The following GGACT variants were observed in gnomAD, a reference collection of about 807,000 sequenced individuals.
GGACT encodes the protein gamma-glutamylaminecyclotransferase.
For missense variants in GGACT, 241 were observed against 233.2 expected, an observed-to-expected ratio of 1.03 and a Z score of -0.22; for synonymous variants, 118 against 115.3, an observed-to-expected ratio of 1.02 and a Z score of -0.15.
Position 100,531,201 on chromosome 13 carries a change from A to AATT in GGACT, c.*926_*928dup, listed in dbSNP as rs1243676548. 1 of 152,270 alleles carries AATT rather than the reference A, an allele frequency of 6.6e-6. No homozygotes were observed. The highest frequency in any genetic ancestry group is 1.5e-5 in the Non-Finnish European group (1 of 68,050). The allele number at this position is 152,270 out of a possible 1,614,324, so 9.4% of individuals were successfully genotyped here. On this transcript the variant is annotated 3_prime_UTR_variant, in exon 3 of 3. Coordinates refer to ENST00000683975, the MANE Select transcript of GGACT (RefSeq NM_001195087.2). The stretch of plus-strand genomic sequence containing the variant: ...TGCACCGAGTTGAATCGATGCTGAC[A>AATT]ATTATCAGATGGAGGTGGGTAGTAA...
chr13:100,554,024 A>G (rs887290796), intron 2 of GGACT, among the ~76,000 whole-genome samples: 1 of 152,214 alleles, frequency 6.6e-6, no homozygotes, highest in Non-Finnish European at 1.5e-5. Context: ...GGCCAGAGCT[A>G]CACAAAGGAA....
intron 2 of GGACT, among the ~76,000 whole-genome samples, chr13:100,562,808 AG>A (rs1213290340): frequency 6.6e-6 from 1 of 151,076 alleles, no homozygotes; most frequent in Non-Finnish European, 1.5e-5. Flanking sequence ...AAAAAAAAAA[AG>A]AAAAAAAAGA....
At chr13:100,537,629 A>C (rs1020324760) in intron 2 of GGACT, 1 of 152,276 alleles carries the variant, frequency 6.6e-6, no homozygotes, top group African/African-American at 2.4e-5. Flanking sequence ...CAGAAGACAC[A>C]CTTGTCAAAG....
intron 2 of GGACT, chr13:100,541,637 T>C (rs1044630850): frequency 6.6e-6 from 1 of 152,198 alleles, no homozygotes; most frequent in Non-Finnish European, 1.5e-5. Context: ...TATCGAGTAG[T>C]GGTTGTGGCC....
At chr13:100,532,680 C>CA in intron 2 of GGACT, 79 bp from the exon 3 acceptor site, 1 of 1,177,690 alleles carries the variant, frequency 8.5e-7, no homozygotes, top group Non-Finnish European at 1.2e-6. Flanking sequence ...TCCCGGCCCA[C>CA]AGAGCCTCCA....
intron 2 of GGACT, among the ~76,000 whole-genome samples, chr13:100,546,747 G>T (rs1474399497): frequency 6.6e-6 from 1 of 152,222 alleles, no homozygotes; most frequent in Non-Finnish European, 1.5e-5. Flanking sequence ...TCCATGCCAA[G>T]TTGCGAGGCT....
intron 2 of GGACT, among the ~76,000 whole-genome samples, chr13:100,581,264 A>C (rs1391316376): frequency 6.6e-6 from 1 of 152,240 alleles, no homozygotes; most frequent in Admixed American, 6.5e-5. Flanking sequence ...AACAGAGGGG[A>C]CCAGGGTTCC....
intron 2 of GGACT, among the ~76,000 whole-genome samples, chr13:100,576,724 G>A (rs1240089193): frequency 1.3e-5 from 2 of 152,188 alleles, no homozygotes; most frequent in Non-Finnish European, 2.9e-5. Context: ...ATACGAAGAT[G>A]AACAAATCAA....
intron 2 of GGACT, among the ~76,000 whole-genome samples, chr13:100,551,085 T>C (rs1190836018): frequency 4.0e-5 from 6 of 151,752 alleles, no homozygotes; most frequent in Non-Finnish European, 7.4e-5. Context: ...GAGATTGAGA[T>C]CATCCTGGCT....
Position 100,535,549 on chromosome 13 carries a change from G to A in GGACT, c.-10-2948C>T, listed in dbSNP as rs1026353945. On this transcript the variant is annotated intron_variant, in intron 2 of 2. Coordinates refer to ENST00000683975, the MANE Select transcript of GGACT (RefSeq NM_001195087.2). ...GGTGGGTACCAACACACGTGGTCCT[G>A]TGTGATCTGCTGACATGTAGCGTGT... Among the ~76,000 whole-genome samples, 4 of 152,196 alleles carry A rather than the reference G, an allele frequency of 2.6e-5. No individual in the cohort carries two copies. In the East Asian group the frequency reaches 7.7e-4, roughly 29 times the overall value.
intron 2 of GGACT, among the ~76,000 whole-genome samples, chr13:100,552,851 T>C (rs2088677220): frequency 6.6e-6 from 1 of 152,142 alleles, no homozygotes; most frequent in African/African-American, 2.4e-5. Flanking sequence ...GTGCTGCTGA[T>C]GAGAGGACAC....
chr13:100,541,939 T>C (rs1030863828), intron 2 of GGACT, among the ~76,000 whole-genome samples: 1 of 152,210 alleles, frequency 6.6e-6, no homozygotes, highest in African/African-American at 2.4e-5. Flanking sequence ...ACACTACTTA[T>C]GCAATAGAAA....
At chr13:100,586,381 A>T (rs890472270) in intron 1 of GGACT, among the ~76,000 whole-genome samples, 6 of 152,232 alleles carry the variant, frequency 3.9e-5, no homozygotes, top group African/African-American at 1.4e-4. Flanking sequence ...ATGTTTGCTT[A>T]AAATTTTCCC....
intron 2 of GGACT, among the ~76,000 whole-genome samples, chr13:100,569,884 C>T (rs1360718877): frequency 2.0e-5 from 3 of 152,230 alleles, no homozygotes; most frequent in Non-Finnish European, 2.9e-5. Flanking sequence ...TGCCGCCAGT[C>T]TCTTTGATAA....
chr13:100,554,369 G>C (rs2153014537), intron 2 of GGACT, among the ~76,000 whole-genome samples: 1 of 152,276 alleles, frequency 6.6e-6, no homozygotes, highest in South Asian at 2.1e-4. Context: ...GCATTTTAGG[G>C]GAGAAATGAT....
At chr13:100,577,415 T>TAAAA (rs1875279244) in intron 2 of GGACT, among the ~76,000 whole-genome samples, 2 of 21,602 alleles carry the variant, frequency 9.3e-5, no homozygotes, top group African/African-American at 3.6e-4. Flanking sequence ...AGACTCCATC[T>TAAAA]CAAAAATAAA....
At chr13:100,562,853 G>T (rs1441839744) in intron 2 of GGACT, among the ~76,000 whole-genome samples, 2 of 151,824 alleles carry the variant, frequency 1.3e-5, no homozygotes, top group Non-Finnish European at 2.9e-5. Flanking sequence ...CTTAAACTTG[G>T]GTGGTTTCTT....
At chr13:100,579,610 G>A (rs1052549837) in intron 2 of GGACT, among the ~76,000 whole-genome samples, 10 of 152,152 alleles carry the variant, frequency 6.6e-5, no homozygotes, top group Non-Finnish European at 1.0e-4. Context: ...AGGAAGAAAT[G>A]CTACAACAGA....
intron 2 of GGACT, among the ~76,000 whole-genome samples, chr13:100,551,397 G>C (rs1239954698): frequency 1.3e-5 from 2 of 152,186 alleles, no homozygotes; most frequent in Non-Finnish European, 2.9e-5. Context: ...CCCAGGGAGG[G>C]ACCAGCGCCC....
Sources: allele counts gnomAD v4.1 joint callset (sites outside exome capture counted in the v4.1 genomes callset), GRCh38; gene constraint gnomAD v4.1.1; transcripts MANE v1.5; gene names NCBI Gene and HGNC (gene_info 2026-07-23, HGNC 2026-07-21).